The following CXADR variants were observed in gnomAD, a reference collection of about 807,000 sequenced individuals.
CXADR encodes the protein CXADR cell adhesion molecule, also known as coxsackievirus and adenovirus receptor.
A neutral mutation model predicts 40.3 loss-of-function variants in CXADR; 20 were observed. The ratio of observed to expected loss-of-function variants is 0.50; its 90% CI spans 0.35 to 0.72. The LOEUF (loss-of-function observed/expected upper bound fraction) is 0.72. Among genes scored for constraint, CXADR ranks in the 30% least tolerant of loss-of-function variants. CXADR has a pLI of 0.01. For missense variants in CXADR, 332 were observed against 449.1 expected (o/e 0.74, Z 2.36); for synonymous variants, 150 against 161.3 (o/e 0.93, Z 0.53).
chr21:17,604,842 C>A, the CXADR span: 2 of 1,609,210 alleles, frequency 1.2e-6, no homozygotes, highest in Non-Finnish European at 1.7e-6. Context: ...AGTTCAGCCT[C>A]TAAACTTGAG....
the CXADR span, among the ~76,000 whole-genome samples, chr21:17,629,576 A>G: frequency 2.6e-5 from 4 of 152,032 alleles, no homozygotes; most frequent in Admixed American, 2.6e-4. Context: ...ACAAAACAAA[A>G]CAAAACAAAA....
chr21:17,552,679 A>G (rs1280521948), intron 3 of CXADR, among the ~76,000 whole-genome samples: 1 of 152,218 alleles, frequency 6.6e-6, no homozygotes, highest in Non-Finnish European at 1.5e-5. Flanking sequence ...ACCATGTAGA[A>G]AAACATAGCT....
chr21:17,530,632 G>A (rs1303661205), intron 1 of CXADR, among the ~76,000 whole-genome samples: 3 of 151,608 alleles, frequency 2.0e-5, no homozygotes, highest in African/African-American at 7.3e-5. Context: ...TGGTCAACAT[G>A]GTGAAACCCC....
the CXADR span, among the ~76,000 whole-genome samples, chr21:17,602,216 ACTT>A: frequency 2.0e-5 from 3 of 152,194 alleles, no homozygotes; most frequent in East Asian, 1.9e-4. Flanking sequence ...TGTTCTCAGA[ACTT>A]CTCATCATAG....
rs539534592 is a variant in CXADR, at chr21:17,513,408, C to T, written c.43+236C>T. ...GCGGAGTGCCCGGGGACGGAGCCCT[C>T]GGCGGGGGGTGGAGGCGGAGGGGCT... On this transcript the variant is annotated intron_variant, in intron 1 of 6. Coordinates refer to ENST00000284878, the MANE Select transcript of CXADR (RefSeq NM_001338.5). Among the ~76,000 whole-genome samples the T allele has an allele frequency of 2.4e-4, 37 of 151,600 alleles. No homozygotes were observed. In the East Asian group the frequency reaches 6.5e-3, roughly 27 times the overall value.
chr21:17,515,831 CATTGTT>C (rs2060455334), intron 1 of CXADR, among the ~76,000 whole-genome samples: 1 of 152,058 alleles, frequency 6.6e-6, no homozygotes, highest in Admixed American at 6.6e-5. Context: ...AAAAAAAAGG[CATTGTT>C]ATTAACTCAA....
chr21:17,565,401 A>T (rs781135313), intron 6 of CXADR, 27 bp from the exon 7 acceptor site: 1 of 1,607,386 alleles, frequency 6.2e-7, no homozygotes, highest in East Asian at 2.2e-5. Context: ...TATTCTCTTG[A>T]CATGTATTGG....
At chr21:17,611,803 A>C in the CXADR span, 1 of 152,250 alleles carries the variant, frequency 6.6e-6, no homozygotes, top group Non-Finnish European at 1.5e-5. Flanking sequence ...AAGGGAATCC[A>C]GAATCAAGCT....
At chr21:17,586,735 A>T (rs1302333360) in intron 7 of CXADR, among the ~76,000 whole-genome samples, 3 of 152,168 alleles carry the variant, frequency 2.0e-5, no homozygotes, top group East Asian at 1.9e-4. Context: ...TTAGTTTTTT[A>T]AAATTTTTTA....
chr21:17,562,791 G>C (rs538329338), intron 6 of CXADR, among the ~76,000 whole-genome samples: 32 of 152,262 alleles, frequency 2.1e-4, no homozygotes, highest in Non-Finnish European at 4.4e-4. Context: ...GTATTTTTAT[G>C]TTATGGAAAT....
Position 17,569,182 on chromosome 21 carries a change from A to C in CXADR, c.*3490A>C. ...CAGCATGTACATTTGATGTTATGTG[A>C]ATGTTGAGTTTTTTCTTCTAATTTT... On this transcript the variant is annotated 3_prime_UTR_variant, in exon 7 of 7. Transcript: ENST00000284878. 1 of 985,370 alleles carries C rather than the reference A, an allele frequency of 1.0e-6. No individual in the cohort carries two copies. Among genetic ancestry groups the C allele is most frequent in the Non-Finnish European group, 1.2e-6 (1 of 829,912 alleles). 61.0% of individuals were successfully genotyped at this position (985,370 alleles called of 1,614,324 possible). A position where few individuals can be genotyped will look rare whatever the true frequency, so the allele number is the denominator to read the frequency against.
At chr21:17,575,626 G>C (rs1037662553) in intron 7 of CXADR, among the ~76,000 whole-genome samples, 1 of 151,756 alleles carries the variant, frequency 6.6e-6, no homozygotes, top group Admixed American at 6.6e-5. Flanking sequence ...AAGTAGCTGG[G>C]ACTACAGGTG....
chr21:17,553,663 C>G (rs2060999046), intron 3 of CXADR, among the ~76,000 whole-genome samples: 1 of 150,438 alleles, frequency 6.6e-6, no homozygotes, highest in Non-Finnish European at 1.5e-5. Context: ...GCTCTGTCAC[C>G]CAGGCTGGAG....
intron 7 of CXADR, among the ~76,000 whole-genome samples, chr21:17,575,365 TAG>T (rs1056990521): frequency 1.3e-4 from 19 of 151,598 alleles, no homozygotes; most frequent in Non-Finnish European, 5.9e-5. Context: ...TGATTTTTGG[TAG>T]AGAGAGGTCT....
intron 1 of CXADR, among the ~76,000 whole-genome samples, chr21:17,523,973 C>T (rs1257049246): frequency 6.6e-6 from 1 of 151,956 alleles, no homozygotes; most frequent in East Asian, 2.0e-4. Flanking sequence ...ATTCTCCTGC[C>T]TCAGCCTCCC....
downstream of CXADR, among the ~76,000 whole-genome samples, chr21:17,571,881 T>A (rs187622849): frequency 6.6e-6 from 1 of 152,186 alleles, no homozygotes; most frequent in African/African-American, 2.4e-5. Flanking sequence ...ATGCTTGATA[T>A]ACCTCCTTCA....
rs147808583 is a variant in CXADR at position 17,557,227 on chromosome 21, GGTTATAGAGT to G, written c.416-1748_416-1739del. On this transcript the variant is annotated intron_variant, in intron 3 of 6. Transcript: ENST00000284878. The stretch of plus-strand genomic sequence containing the variant: ...TTATAGAAAACATTGTCTCTCCCAA[GGTTATAGAGT>G]AGTAGTAAAGCATAGACTATTGCTG... 8.7e-3 allele frequency among the ~76,000 whole-genome samples: 1,331 copies of G among 152,276 alleles called. 22 individuals carry two copies. The highest frequency in any genetic ancestry group is 0.03 in the African/African-American group (1,256 of 41,544).
chr21:17,611,476 T>C, the CXADR span, among the ~76,000 whole-genome samples: 2 of 152,196 alleles, frequency 1.3e-5, no homozygotes, highest in African/African-American at 4.8e-5. Flanking sequence ...TTTGGACTTT[T>C]GTTTTCCCCG....
chr21:17,594,082 C>A (rs375106468), downstream of CXADR: 11 of 1,610,610 alleles, frequency 6.8e-6, no homozygotes, highest in African/African-American at 8.0e-5. Flanking sequence ...CCAACACAAT[C>A]AAAAACGAAG....
Sources: allele counts gnomAD v4.1 joint callset (sites outside exome capture counted in the v4.1 genomes callset), GRCh38; gene constraint gnomAD v4.1.1; transcripts MANE v1.5; gene names NCBI Gene and HGNC (gene_info 2026-07-23, HGNC 2026-07-21).